Variants in RAD54L2 observed in about 807,000 individuals in gnomAD.
RAD54L2 encodes the protein RAD54 like 2.
Under a neutral mutation model 138.4 loss-of-function variants are expected in RAD54L2, and 27 were observed. The observed-to-expected ratio is 0.20, with a 90% CI of 0.14 to 0.27. The LOEUF (loss-of-function observed/expected upper bound fraction) is 0.27, where lower values mean the gene tolerates loss of function less well. Ranked by LOEUF, RAD54L2 falls within the 10% of genes least tolerant of loss-of-function variation. The pLI is 1.00. For synonymous variants in RAD54L2, 644 were observed against 723.2 expected, an observed-to-expected ratio of 0.89 and a Z score of 1.76; for missense variants, 1,396 against 1,890.2, an observed-to-expected ratio of 0.74 and a Z score of 4.85.
intron 3 of RAD54L2, among the ~76,000 whole-genome samples, chr3:51,598,521 G>C (rs1043929800): frequency 1.3e-5 from 2 of 152,060 alleles, no homozygotes; most frequent in African/African-American, 2.4e-5. Flanking sequence ...TTGGGAGGCT[G>C]AGGAGGGAGG....
chr3:51,615,611 C>T (rs1374453907), intron 3 of RAD54L2, among the ~76,000 whole-genome samples: 3 of 152,150 alleles, frequency 2.0e-5, no homozygotes, highest in Non-Finnish European at 4.4e-5. Context: ...TCCCTGCCCT[C>T]AAGGAGCTGC....
At chr3:51,571,656 C>T in intron 2 of RAD54L2, among the ~76,000 whole-genome samples, 1 of 152,050 alleles carries the variant, frequency 6.6e-6, no homozygotes, top group Admixed American at 6.6e-5. Context: ...GCGTGAACCA[C>T]CATGCCTGTC....
chr3:51,646,419 G>T lies in RAD54L2; in HGVS notation c.2964G>T (p.Ala988=), dbSNP rs777975983. 3 of 1,613,664 alleles carry T rather than the reference G, an allele frequency of 1.9e-6. No individual in the cohort carries two copies. Among genetic ancestry groups the T allele is most frequent in the African/African-American group, 2.7e-5 (2 of 74,906 alleles). ...TSVPYTRPSY[A]QYYPASDQSL... is the part of the protein sequence containing the mutation. ...TCCCCTATACCCGCCCATCGTATGCGCAGTATTACCCTGCCAGCGATCAGA... is the reference window on the plus strand; with the variant it reads ...TCCCCTATACCCGCCCATCGTATGCTCAGTATTACCCTGCCAGCGATCAGA... The change falls in exon 19 of 23, where the codon GCG becomes GCT. Residue 988 remains alanine (A), a synonymous_variant. Transcript: ENST00000684192.
intron 3 of RAD54L2, among the ~76,000 whole-genome samples, chr3:51,591,640 A>T (rs1699843279): frequency 6.6e-6 from 1 of 152,182 alleles, no homozygotes; most frequent in Non-Finnish European, 1.5e-5. Context: ...GTCTGTTGCT[A>T]GCTTATTCAG....
chr3:51,556,364 C>G (rs1284712985), intron 2 of RAD54L2, among the ~76,000 whole-genome samples: 1 of 152,132 alleles, frequency 6.6e-6, no homozygotes, highest in Non-Finnish European at 1.5e-5. Flanking sequence ...GCCTCAACCT[C>G]CCTGGCCCAT....
intron 9 of RAD54L2, 135 bp downstream of exon 9, chr3:51,634,170 C>G: frequency 8.5e-7 from 1 of 1,172,678 alleles, no homozygotes; most frequent in Non-Finnish European, 1.2e-6. Flanking sequence ...ATCACTTTCT[C>G]TGTTCTTGCT....
chr3:51,655,245 T>G (rs1183662925), intron 19 of RAD54L2, among the ~76,000 whole-genome samples: 1 of 151,974 alleles, frequency 6.6e-6, no homozygotes, highest in African/African-American at 2.4e-5. Flanking sequence ...AGACGAAAGA[T>G]GCAGACTTCA....
At chr3:51,557,180 CTTT>C (rs58428110) in intron 2 of RAD54L2, among the ~76,000 whole-genome samples, 168 of 113,248 alleles carry the variant, frequency 1.5e-3, no homozygotes, top group Middle Eastern at 4.6e-3. Flanking sequence ...TTGTTGTTGG[CTTT>C]TTTTTTTTTT....
At chr3:51,608,124 A>G (rs1700244424) in intron 3 of RAD54L2, among the ~76,000 whole-genome samples, 1 of 151,004 alleles carries the variant, frequency 6.6e-6, no homozygotes, top group East Asian at 2.0e-4. Context: ...GCGGCCGGTC[A>G]GAGACGCTCC....
At position 51,645,290 on chromosome 3, in the gene RAD54L2, C is replaced by A; in HGVS notation, c.2656+61C>A. 6.8e-7 allele frequency: 1 copy of A among 1,469,584 alleles called. No homozygotes were observed. The highest frequency in any genetic ancestry group is 1.2e-5 in the South Asian group (1 of 82,674). 91.0% of individuals were successfully genotyped at this position (1,469,584 alleles called of 1,614,324 possible). On this transcript the variant is annotated intron_variant, in intron 17 of 22. Transcript: ENST00000684192. This position sits in a 1 kb window ranked among gnomAD's most constrained non-coding sequence, Gnocchi z 6.1. ...ATACAGGCTACCATCCTTTTAGTAT[C>A]AAGGGTGGGAGAGGAGCAGGATATG...
intron 3 of RAD54L2, among the ~76,000 whole-genome samples, chr3:51,605,345 T>C (rs2106743725): frequency 6.6e-6 from 1 of 151,342 alleles, no homozygotes; most frequent in Admixed American, 6.6e-5. Flanking sequence ...CACCTCAGCC[T>C]CCCAAAGTGC....
At chr3:51,640,641 A>G (rs1401271599) in intron 14 of RAD54L2, among the ~76,000 whole-genome samples, 1 of 152,242 alleles carries the variant, frequency 6.6e-6, no homozygotes, top group African/African-American at 2.4e-5. Flanking sequence ...CATGTGACAC[A>G]CTTTGAGAGG....
chr3:51,593,857 G>T (rs1362900757), intron 3 of RAD54L2, among the ~76,000 whole-genome samples: 1 of 151,946 alleles, frequency 6.6e-6, no homozygotes, highest in Non-Finnish European at 1.5e-5. Context: ...AGGAATGCGC[G>T]TAGCTTATTA....
intron 2 of RAD54L2, among the ~76,000 whole-genome samples, chr3:51,583,586 A>ATTTT (rs34377858): frequency 1.8e-4 from 24 of 132,052 alleles, no homozygotes; most frequent in Admixed American, 7.8e-5. Flanking sequence ...CGCCCAGCTA[A>ATTTT]TTTTTTTTTT....
At position 51,638,369 on chromosome 3, in the gene RAD54L2, A is replaced by G. The variant is rs200257552; in HGVS notation, c.1860+48A>G. The G allele has an allele frequency of 1.0e-3, 1,665 of 1,599,894 alleles. No individual in the cohort carries two copies. The highest frequency in any genetic ancestry group is 1.4e-3 in the Non-Finnish European group (1,609 of 1,169,108). On this transcript the variant is annotated intron_variant, in intron 12 of 22. Transcript: ENST00000684192. The surrounding 1 kb of genome is among the most constrained non-coding windows in gnomAD (Gnocchi z 4.3). ...ATTGAGATGGGGACTAAGGATACACATGGTCCCAAGGGAGTTACTCCTACT... is the reference window on the plus strand; with the variant it reads ...ATTGAGATGGGGACTAAGGATACACGTGGTCCCAAGGGAGTTACTCCTACT...
intron 19 of RAD54L2, among the ~76,000 whole-genome samples, chr3:51,650,529 G>A (rs1338910188): frequency 2.0e-5 from 3 of 152,136 alleles, no homozygotes; most frequent in African/African-American, 4.8e-5. Flanking sequence ...TGACCACGTA[G>A]TTGGAAGTAA....
At chr3:51,653,011 A>T (rs1427889532) in intron 19 of RAD54L2, among the ~76,000 whole-genome samples, 1 of 152,226 alleles carries the variant, frequency 6.6e-6, no homozygotes, top group African/African-American at 2.4e-5. Flanking sequence ...AGTGGGAGAA[A>T]ATTTTTGCAA....
chr3:51,564,868 T>C (rs1469070409), intron 2 of RAD54L2, among the ~76,000 whole-genome samples: 3 of 152,256 alleles, frequency 2.0e-5, no homozygotes, highest in African/African-American at 7.2e-5. Flanking sequence ...TGCAGGAGCA[T>C]GTAGTGCATG....
Position 51,639,630 on chromosome 3 carries a change from C to G in RAD54L2, c.2072C>G (p.Pro691Arg). The change falls in exon 13 of 23, where the codon CCT (proline) becomes CGT (arginine). Residue 691 changes from proline (P) to arginine (R), a missense_variant. Coordinates refer to ENST00000684192, the MANE Select transcript of RAD54L2 (RefSeq NM_015106.4). Reference protein sequence around the residue: ...SKFLQGVGFNPFQERGNNIVT... With the variant: ...SKFLQGVGFNRFQERGNNIVT... ...TTCCTACAGGGCGTTGGCTTCAACC[C>G]TTTCCAGGAGCGAGGCAACAACATT... 6.2e-7 allele frequency: 1 copy of G among 1,613,870 alleles called. No homozygotes were observed. Among genetic ancestry groups the G allele is most frequent in the Non-Finnish European group, 8.5e-7 (1 of 1,179,848 alleles).
Sources: gnomAD v4.1 joint callset for allele counts (sites outside exome capture counted in the v4.1 genomes callset) on GRCh38, gnomAD v4.1.1 for gene constraint, Gnocchi (gnomAD v3.1) non-coding constraint, MANE v1.5 for transcripts, NCBI Gene and HGNC (gene_info 2026-07-23, HGNC 2026-07-21) for gene names.